Variants in ARPC1B observed in about 807,000 individuals in gnomAD.
The protein encoded by ARPC1B is actin related protein 2/3 complex subunit 1B.
In ARPC1B, 29 loss-of-function variants were observed where a neutral mutation model predicts 46.0. The observed-to-expected ratio is 0.63, with a 90% CI of 0.47 to 0.86. The LOEUF is 0.86. ARPC1B is among the 40% of genes least tolerant of loss of function. The pLI is 0.00. For missense variants in ARPC1B, 469 were observed against 529.4 expected (o/e 0.89, Z 1.12); for synonymous variants, 201 against 213.9 (o/e 0.94, Z 0.53).
chr7:99,387,886 C>T (rs1000240346), intron 3 of ARPC1B, among the ~76,000 whole-genome samples, 153 bp from the exon 4 acceptor site: 7 of 151,032 alleles, frequency 4.6e-5, no homozygotes, highest in African/African-American at 7.3e-5. Context: ...GGTGACAGAG[C>T]GAGACTCTGT....
At chr7:99,380,451 G>C (rs1169486236) in intron 1 of ARPC1B, among the ~76,000 whole-genome samples, 1 of 152,226 alleles carries the variant, frequency 6.6e-6, no homozygotes, top group African/African-American at 2.4e-5. Flanking sequence ...TTGTTCAACA[G>C]ACTAGGAAGT....
intron 8 of ARPC1B, 45 bp from the exon 9 acceptor site, chr7:99,393,984 G>GC (rs1464257011): frequency 6.3e-7 from 1 of 1,596,986 alleles, no homozygotes; most frequent in Non-Finnish European, 8.5e-7. Flanking sequence ...CCTGAGCCCA[G>GC]CGCCAGCACA....
intron 1 of ARPC1B, 50 bp from the exon 2 acceptor site, chr7:99,385,652 G>A: frequency 6.5e-7 from 1 of 1,528,184 alleles, no homozygotes; most frequent in Non-Finnish European, 8.9e-7. Context: ...GGTGAAGTCA[G>A]GGGCAAGGTT....
intron 1 of ARPC1B, among the ~76,000 whole-genome samples, chr7:99,378,773 T>TC (rs1794108093): frequency 7.7e-6 from 1 of 129,172 alleles, no homozygotes; most frequent in Non-Finnish European, 1.5e-5. Context: ...ATTTTCTTTT[T>TC]CTTTTTTTTT....
At chr7:99,387,442 C>G (rs1244951893) in intron 3 of ARPC1B, among the ~76,000 whole-genome samples, 6 of 146,982 alleles carry the variant, frequency 4.1e-5, no homozygotes, top group Admixed American at 2.0e-4. Flanking sequence ...GCAATAAAAA[C>G]AAAGAAAGAA....
intron 4 of ARPC1B, 116 bp downstream of exon 4, chr7:99,388,377 T>A (rs1161592572): frequency 2.1e-6 from 2 of 968,364 alleles, no homozygotes; most frequent in Non-Finnish European, 3.1e-6. Context: ...CCTGGGGGAG[T>A]CCATCCTCTC....
At chr7:99,394,307 G>A (rs773311549) in intron 9 of ARPC1B, 144 bp from the exon 10 acceptor site, 162 of 1,063,432 alleles carry the variant, frequency 1.5e-4, no homozygotes, top group Non-Finnish European at 2.2e-4. Flanking sequence ...TTCAGGGCCG[G>A]GATTCCAACC....
chr7:99,394,231 C>A, intron 9 of ARPC1B, 112 bp downstream of exon 9: 2 of 1,278,796 alleles, frequency 1.6e-6, no homozygotes, highest in Non-Finnish European at 2.2e-6. Context: ...GATGGCACTG[C>A]ATGGGGATGA....
At chr7:99,394,204 T>C (rs1047583677) in intron 9 of ARPC1B, 85 bp downstream of exon 9, 7 of 1,421,400 alleles carry the variant, frequency 4.9e-6, no homozygotes, top group Middle Eastern at 1.8e-4. Flanking sequence ...ATGACCCCCA[T>C]CCTTCACTCC....
At chr7:99,382,195 T>A (rs1242668802) in intron 1 of ARPC1B, among the ~76,000 whole-genome samples, 1 of 152,068 alleles carries the variant, frequency 6.6e-6, no homozygotes, top group Non-Finnish European at 1.5e-5. Flanking sequence ...TCCAGCACTT[T>A]AGGAGGCCGA....
At chr7:99,382,241 C>G (rs1584401306) in intron 1 of ARPC1B, among the ~76,000 whole-genome samples, 2 of 152,100 alleles carry the variant, frequency 1.3e-5, no homozygotes, top group East Asian at 3.9e-4. Flanking sequence ...AGTTCAAGAC[C>G]AGCCTGGCCA....
chr7:99,386,367 G>C, intron 2 of ARPC1B: 1 of 523,128 alleles, frequency 1.9e-6, no homozygotes, highest in South Asian at 1.6e-5. Flanking sequence ...AGGGAACTGT[G>C]CCCCAGCTGG....
At chr7:99,390,758 C>G in intron 5 of ARPC1B, 135 bp from the exon 6 acceptor site, 3 of 700,224 alleles carry the variant, frequency 4.3e-6, no homozygotes, top group Non-Finnish European at 7.0e-6. Context: ...AGCACAGTAG[C>G]GCAATCACAG....
intron 4 of ARPC1B, chr7:99,388,505 C>CA: frequency 1.9e-6 from 1 of 519,940 alleles, no homozygotes. Flanking sequence ...GCCCTGCACA[C>CA]ACATTAGTCC....
At chr7:99,382,266 T>C (rs1211733240) in intron 1 of ARPC1B, among the ~76,000 whole-genome samples, 2 of 152,024 alleles carry the variant, frequency 1.3e-5, no homozygotes, top group South Asian at 4.1e-4. Flanking sequence ...GGTGAAACCC[T>C]GTCTCTACTA....
chr7:99,394,175 C>T (rs1425375396), intron 9 of ARPC1B, 56 bp downstream of exon 9: 7 of 1,562,962 alleles, frequency 4.5e-6, no homozygotes, highest in East Asian at 2.3e-5. Flanking sequence ...CCCTTTCCCC[C>T]CATCCCCACT....
chr7:99,394,532 C>A lies in ARPC1B; in HGVS notation c.*43C>A, dbSNP rs748910788. On this transcript the variant is annotated 3_prime_UTR_variant, in exon 10 of 10. Coordinates refer to ENST00000646101, the MANE Select transcript of ARPC1B (RefSeq NM_005720.4). ...GCCTTCATCCTAGCTGCTGGGGAAG[C>A]GGGGAGAGGGGTCAGGGAGGCTAAT... The A allele has an allele frequency of 1.9e-6, 3 of 1,613,382 alleles. No homozygotes were observed. Among genetic ancestry groups the A allele is most frequent in the African/African-American group, 1.3e-5 (1 of 74,794 alleles).
intron 7 of ARPC1B, among the ~76,000 whole-genome samples, chr7:99,391,687 G>A (rs183385311): frequency 4.1e-5 from 6 of 147,934 alleles, no homozygotes; most frequent in African/African-American, 1.3e-4. Flanking sequence ...ATGGGAGGTC[G>A]AGGCTTCTGA....
intron 1 of ARPC1B, among the ~76,000 whole-genome samples, chr7:99,378,688 TAAAAAA>T (rs970580876): frequency 1.4e-5 from 2 of 143,810 alleles, no homozygotes; most frequent in Non-Finnish European, 3.0e-5. Flanking sequence ...ATCTCAAAAA[TAAAAAA>T]GAAAAAGAAA....
Sources: gnomAD v4.1 joint callset for allele counts (sites outside exome capture counted in the v4.1 genomes callset) on GRCh38, gnomAD v4.1.1 for gene constraint, MANE v1.5 for transcripts, NCBI Gene and HGNC (gene_info 2026-07-23, HGNC 2026-07-21) for gene names.